IPCEF1: variants seen among roughly 807,000 people sequenced by gnomAD.
IPCEF1 encodes interaction protein for cytohesin exchange factors 1.
IPCEF1 carries 31 observed loss-of-function variants against 50.9 expected under a neutral mutation model. The observed-to-expected ratio is 0.61, with a 90% confidence interval of 0.46 to 0.82. The LOEUF (loss-of-function observed/expected upper bound fraction) is 0.82. Ranked by LOEUF, IPCEF1 falls within the 40% of genes least tolerant of loss-of-function variation. The probability of loss-of-function intolerance (pLI) is 0.00; values close to 1 mark genes in which losing one functional copy is unlikely to be tolerated. For missense variants in IPCEF1, 458 were observed against 514.0 expected (o/e 0.89, Z 1.05); for synonymous variants, 181 against 192.0 (o/e 0.94, Z 0.47).
chr6:154,170,251 T>A (rs1473125660), intron 10 of IPCEF1, among the ~76,000 whole-genome samples: 1 of 151,996 alleles, frequency 6.6e-6, no homozygotes, highest in East Asian at 1.9e-4. Context: ...CTCCTTAATG[T>A]TTATATGTTT....
At chr6:154,229,011 A>G (rs1779491008) in intron 5 of IPCEF1, among the ~76,000 whole-genome samples, 1 of 152,226 alleles carries the variant, frequency 6.6e-6, no homozygotes, top group South Asian at 2.1e-4. Flanking sequence ...TCCAGGATTC[A>G]ACTTAGGTGT....
chr6:154,213,168 G>A lies in IPCEF1; in HGVS notation c.452-313C>T, dbSNP rs1043546399. 1.8e-4 allele frequency: 53 copies of A among 299,570 alleles called. 1 individual carries two copies. Among genetic ancestry groups the A allele is most frequent in the Middle Eastern group, 1.1e-3 (1 of 916 alleles). 18.6% of individuals were successfully genotyped at this position (299,570 alleles called of 1,614,324 possible). On this transcript the variant is annotated intron_variant, in intron 8 of 11. Coordinates refer to ENST00000367220, the MANE Select transcript of IPCEF1 (RefSeq NM_001130700.2). The stretch of plus-strand genomic sequence containing the variant: ...ATACCAAGAGAACACAAAATCAGTG[G>A]TGATTAATTTTGATTGTAGGAATCC...
chr6:154,309,414 A>G (rs1389614753), intron 1 of IPCEF1, among the ~76,000 whole-genome samples: 2 of 152,234 alleles, frequency 1.3e-5, no homozygotes, highest in Non-Finnish European at 2.9e-5. Flanking sequence ...AACCGATGGA[A>G]GAAACCAGCA....
chr6:154,307,523 T>C (rs1782967077), intron 1 of IPCEF1, among the ~76,000 whole-genome samples: 1 of 152,188 alleles, frequency 6.6e-6, no homozygotes, highest in Non-Finnish European at 1.5e-5. Flanking sequence ...TCTGATGTAC[T>C]GGGGTTAGGA....
intron 6 of IPCEF1, among the ~76,000 whole-genome samples, chr6:154,222,570 A>G (rs994984165): frequency 6.6e-6 from 1 of 152,236 alleles, no homozygotes; most frequent in Middle Eastern, 3.2e-3. Flanking sequence ...CTGGGTTTAC[A>G]GCCAGCCCGC....
chr6:154,186,852 G>A (rs1222620972), intron 10 of IPCEF1, among the ~76,000 whole-genome samples: 1 of 152,032 alleles, frequency 6.6e-6, no homozygotes, highest in Non-Finnish European at 1.5e-5. Context: ...CACCACGCCC[G>A]GCCCAGAGCA....
chr6:154,246,901 G>A (rs200638246), intron 4 of IPCEF1, 141 bp from the exon 5 acceptor site: 1 of 768,698 alleles, frequency 1.3e-6, no homozygotes, highest in Non-Finnish European at 1.8e-6. Context: ...CAAGATTTAT[G>A]CAAAGCCTAT....
intron 9 of IPCEF1, among the ~76,000 whole-genome samples, chr6:154,201,100 C>A (rs1272612267): frequency 6.6e-6 from 1 of 152,208 alleles, no homozygotes; most frequent in Non-Finnish European, 1.5e-5. Context: ...TGCCTTGTTT[C>A]CCCTTCGCCT....
intron 5 of IPCEF1, among the ~76,000 whole-genome samples, chr6:154,241,471 C>A (rs1780588755): frequency 6.6e-6 from 1 of 152,072 alleles, no homozygotes; most frequent in Non-Finnish European, 1.5e-5. Context: ...AAATTCCACC[C>A]TTCTTACTCA....
intron 3 of IPCEF1, among the ~76,000 whole-genome samples, chr6:154,263,072 C>G (rs946016298): frequency 6.6e-6 from 1 of 151,890 alleles, no homozygotes; most frequent in Non-Finnish European, 1.5e-5. Context: ...CCATGCCCAG[C>G]CATGCTTATA....
At chr6:154,204,920 C>A (rs932760997) in intron 9 of IPCEF1, among the ~76,000 whole-genome samples, 1 of 152,200 alleles carries the variant, frequency 6.6e-6, no homozygotes, top group Admixed American at 6.5e-5. Context: ...CCCTCCTTCT[C>A]CACTCCTTTC....
chr6:154,306,832 G>A (rs1307728873), intron 1 of IPCEF1: 1 of 152,202 alleles, frequency 6.6e-6, no homozygotes, highest in African/African-American at 2.4e-5. Context: ...CCAGCTCTTG[G>A]ACTGAATCTC....
At chr6:154,174,060 T>A (rs1447517690) in intron 10 of IPCEF1, among the ~76,000 whole-genome samples, 1 of 152,132 alleles carries the variant, frequency 6.6e-6, no homozygotes, top group Non-Finnish European at 1.5e-5. Context: ...GAATTTCATA[T>A]CCAGCCAAAC....
Position 154,190,576 on chromosome 6 carries a change from C to T in IPCEF1, c.910+9092G>A, listed in dbSNP as rs188164764. Among the ~76,000 whole-genome samples the T allele has an allele frequency of 2.6e-5, 4 of 152,280 alleles. No individual in the cohort carries two copies. The East Asian group carries it at 7.7e-4, about 29-fold the overall frequency. ...TTGATGGTGGGAATGCAAAATGGTA[C>T]AGCCACTTTGCAAGACAGTTTGGCA... is the stretch of plus-strand genomic sequence containing the variant. On this transcript the variant is annotated intron_variant, in intron 10 of 11. Coordinates refer to ENST00000367220, the MANE Select transcript of IPCEF1 (RefSeq NM_001130700.2).
intron 1 of IPCEF1, among the ~76,000 whole-genome samples, chr6:154,312,280 A>G (rs917574180): frequency 1.4e-4 from 21 of 152,228 alleles, no homozygotes; most frequent in Admixed American, 3.9e-4. Context: ...CTAGAGAAAC[A>G]GGGAGTATAA....
chr6:154,173,294 G>C (rs1360596704), intron 10 of IPCEF1, among the ~76,000 whole-genome samples: 1 of 152,098 alleles, frequency 6.6e-6, no homozygotes, highest in Non-Finnish European at 1.5e-5. Context: ...CACCAGCAAG[G>C]GAACAAAACT....
At chr6:154,231,738 G>A (rs367777468) in intron 5 of IPCEF1, among the ~76,000 whole-genome samples, 10 of 152,188 alleles carry the variant, frequency 6.6e-5, no homozygotes, top group East Asian at 1.9e-4. Flanking sequence ...AAAGGGGGAA[G>A]AAAGAGGATA....
chr6:154,348,037 G>A (rs1209864796), intron 1 of IPCEF1, among the ~76,000 whole-genome samples: 1 of 152,098 alleles, frequency 6.6e-6, no homozygotes, highest in Non-Finnish European at 1.5e-5. Flanking sequence ...AGCCTTCATT[G>A]CTCAGCCCAC....
At chr6:154,352,132 G>A (rs1006246806) in intron 1 of IPCEF1, among the ~76,000 whole-genome samples, 1 of 151,618 alleles carries the variant, frequency 6.6e-6, no homozygotes, top group African/African-American at 2.4e-5. Flanking sequence ...ACACTGGAAC[G>A]TAAAGTAAAA....
Sources: allele counts gnomAD v4.1 joint callset (sites outside exome capture counted in the v4.1 genomes callset), GRCh38; gene constraint gnomAD v4.1.1; transcripts MANE v1.5; gene names NCBI Gene and HGNC (gene_info 2026-07-23, HGNC 2026-07-21).